GCH1: variants seen among roughly 807,000 people sequenced by gnomAD.
The protein encoded by GCH1 is GTP cyclohydrolase I.
In GCH1, 5 loss-of-function variants were observed where a neutral mutation model predicts 25.9. The observed-to-expected ratio is 0.19, with a 90% CI of 0.10 to 0.41. GCH1 has a LOEUF of 0.41. GCH1 is among the 10% of genes least tolerant of loss of function. The pLI is 1.00. For missense variants in GCH1, 261 were observed against 336.5 expected (o/e 0.78, Z 1.75); for synonymous variants, 159 against 129.6 (o/e 1.23, Z -1.54).
chr14:54,843,721 A>C lies in GCH1; in HGVS notation c.*296T>G. 6.2e-7 allele frequency: 1 copy of C among 1,611,592 alleles called. No homozygotes were observed. Among genetic ancestry groups the C allele is most frequent in the Admixed American group, 1.7e-5 (1 of 59,474 alleles). ...CTGTACTATTTGAAAAAAATACACT[A>C]ATTCTTCTCCCTTCCCAGGCCCCTC... is the stretch of plus-strand genomic sequence containing the variant. On this transcript the variant is annotated 3_prime_UTR_variant, in exon 6 of 6. Coordinates refer to ENST00000491895, the MANE Select transcript of GCH1 (RefSeq NM_000161.3).
chr14:54,867,405 T>G (rs1054517436), intron 1 of GCH1, among the ~76,000 whole-genome samples: 1 of 151,852 alleles, frequency 6.6e-6, no homozygotes, highest in Non-Finnish European at 1.5e-5. Flanking sequence ...CTGGCCAACA[T>G]GGTCAAACCC....
chr14:54,862,527 T>TA (rs1368503076), intron 2 of GCH1, among the ~76,000 whole-genome samples: 2 of 150,324 alleles, frequency 1.3e-5, no homozygotes, highest in African/African-American at 4.9e-5. Flanking sequence ...AGACCACAGG[T>TA]GCATGCCACC....
chr14:54,850,746 G>A (rs1455098624), intron 3 of GCH1, among the ~76,000 whole-genome samples: 1 of 152,058 alleles, frequency 6.6e-6, no homozygotes, highest in African/African-American at 2.4e-5. Flanking sequence ...TTCTGTCCTT[G>A]CGATAGTTTG....
At chr14:54,870,784 G>A (rs2040062149) in intron 1 of GCH1, among the ~76,000 whole-genome samples, 1 of 152,206 alleles carries the variant, frequency 6.6e-6, no homozygotes, top group South Asian at 2.1e-4. Flanking sequence ...ACTGCAAGGC[G>A]GCAGCGAGGC....
chr14:54,892,150 G>A (rs1014153064), intron 1 of GCH1, among the ~76,000 whole-genome samples: 1 of 152,112 alleles, frequency 6.6e-6, no homozygotes, highest in Admixed American at 6.6e-5. Flanking sequence ...CAAAAGCTAT[G>A]GCCACAGCAC....
At position 54,843,982 on chromosome 14, in the gene GCH1, C is replaced by T. The variant is rs201782301; in HGVS notation, c.*35G>A. On this transcript the variant is annotated 3_prime_UTR_variant, in exon 6 of 6. Coordinates refer to ENST00000491895, the MANE Select transcript of GCH1 (RefSeq NM_000161.3). Reference sequence around the variant, plus strand: ...CAGACAGACAATGCTACTGGCAGTACGATCGGCAACCAACGCACACACACT... The same window carrying T: ...CAGACAGACAATGCTACTGGCAGTATGATCGGCAACCAACGCACACACACT... 1.0e-4 allele frequency: 163 copies of T among 1,614,018 alleles called. No homozygotes were observed. Among genetic ancestry groups the T allele is most frequent in the Non-Finnish European group, 1.3e-4 (157 of 1,180,006 alleles).
rs143884543 is a variant in GCH1, at chr14:54,876,656, C to T, written c.344-11220G>A. Among the ~76,000 whole-genome samples the T allele has an allele frequency of 9.1e-4, 139 of 151,974 alleles. 2 individuals carry two copies. The East Asian group carries it at 0.024, about 26-fold the overall frequency. On this transcript the variant is annotated intron_variant, in intron 1 of 5. Coordinates refer to ENST00000491895, the MANE Select transcript of GCH1 (RefSeq NM_000161.3). ...TCCAGCCTGGGTGACAGAACAAGTC[C>T]CTGTCTCTAAAAATCATAATAATAA...
At chr14:54,850,714 T>G (rs1354602929) in intron 3 of GCH1, among the ~76,000 whole-genome samples, 4 of 152,080 alleles carry the variant, frequency 2.6e-5, no homozygotes, top group Non-Finnish European at 4.4e-5. Flanking sequence ...CACCTATGAG[T>G]GAGAACATGC....
In GCH1 at chr14:54,843,499, T is replaced by G. The variant is rs1435051447; in HGVS notation, c.*518A>C. 13 of 1,280,026 alleles carry G rather than the reference T, an allele frequency of 1.0e-5. No homozygotes were observed. Among genetic ancestry groups the G allele is most frequent in the Non-Finnish European group, 1.3e-5 (13 of 1,013,974 alleles). The allele number at this position is 1,280,026 out of a possible 1,614,324, so 79.3% of individuals were successfully genotyped here. A position where few individuals can be genotyped will look rare whatever the true frequency, so the allele number is the denominator to read the frequency against. The stretch of plus-strand genomic sequence containing the variant: ...ACTAACATTACGACTGCTAAAAATA[T>G]ATTTTTAAATGTCACTGGTGGTTTA... On this transcript the variant is annotated 3_prime_UTR_variant, in exon 6 of 6. Transcript: ENST00000491895.
At chr14:54,858,701 T>C (rs2039851112) in intron 3 of GCH1, among the ~76,000 whole-genome samples, 1 of 152,018 alleles carries the variant, frequency 6.6e-6, no homozygotes, top group Non-Finnish European at 1.5e-5. Flanking sequence ...CCCCTTCATC[T>C]TGTTCTTAAC....
chr14:54,845,914 G>A (rs2039636219), intron 4 of GCH1, 62 bp from the exon 5 acceptor site: 1 of 896,076 alleles, frequency 1.1e-6, no homozygotes, highest in African/African-American at 1.6e-5. Context: ...AGCTTTTTCT[G>A]TCTCTAGAAC....
intron 1 of GCH1, among the ~76,000 whole-genome samples, chr14:54,867,873 A>G (rs199556147): frequency 6.6e-6 from 1 of 152,202 alleles, no homozygotes; most frequent in South Asian, 2.1e-4. Context: ...TTAAAAAGCA[A>G]TAATTTGCCT....
Position 54,843,299 on chromosome 14 carries a change from A to G in GCH1, c.*718T>C. 7.4e-7 allele frequency: 1 copy of G among 1,344,984 alleles called. No individual in the cohort carries two copies. The highest frequency in any genetic ancestry group is 9.5e-7 in the Non-Finnish European group (1 of 1,053,640). 83.3% of individuals were successfully genotyped at this position (1,344,984 alleles called of 1,614,324 possible). ...TACACTCTAAATGATATTCTTATCA[A>G]GGCACAGAGAGTTAAATGTCTAAAT... On this transcript the variant is annotated 3_prime_UTR_variant, in exon 6 of 6. Transcript: ENST00000491895.
intron 1 of GCH1, 66 bp downstream of exon 1, chr14:54,902,255 G>A (rs1273148730): frequency 2.6e-6 from 4 of 1,538,238 alleles, no homozygotes; most frequent in Non-Finnish European, 2.7e-6. Context: ...CCTGGAGCCG[G>A]CGCGCGTTTC....
intron 1 of GCH1, among the ~76,000 whole-genome samples, chr14:54,901,873 C>G (rs557966276): frequency 6.6e-6 from 1 of 152,286 alleles, no homozygotes; most frequent in African/African-American, 2.4e-5. Context: ...AATCCAGATA[C>G]ACACCCTGAC....
chr14:54,896,697 A>G (rs566864390), intron 1 of GCH1, among the ~76,000 whole-genome samples: 7 of 151,744 alleles, frequency 4.6e-5, no homozygotes, highest in South Asian at 2.1e-4. Context: ...CGGATCACAA[A>G]GTCAGGAGAT....
chr14:54,867,255 C>T (rs1305335528), intron 1 of GCH1, among the ~76,000 whole-genome samples: 2 of 152,142 alleles, frequency 1.3e-5, no homozygotes, highest in Non-Finnish European at 2.9e-5. Flanking sequence ...AACCATATGG[C>T]CCATGTTAAA....
intron 1 of GCH1, among the ~76,000 whole-genome samples, chr14:54,877,230 A>C (rs902270113): frequency 6.6e-6 from 1 of 152,238 alleles, no homozygotes; most frequent in African/African-American, 2.4e-5. Flanking sequence ...AGCAGCAAGA[A>C]GGTAACCCTG....
At chr14:54,845,896 C>A in intron 4 of GCH1, 44 bp from the exon 5 acceptor site, 1 of 1,007,666 alleles carries the variant, frequency 9.9e-7, no homozygotes, top group Non-Finnish European at 1.6e-6. Flanking sequence ...CTGACACAAA[C>A]AGCTGGAAGC....
Sources: gnomAD v4.1 joint callset for allele counts (sites outside exome capture counted in the v4.1 genomes callset) on GRCh38, gnomAD v4.1.1 for gene constraint, MANE v1.5 for transcripts, NCBI Gene and HGNC (gene_info 2026-07-23, HGNC 2026-07-21) for gene names.